TM7SF3: variants seen among roughly 807,000 people sequenced by gnomAD.
TM7SF3 encodes the protein transmembrane 7 superfamily member 3.
In TM7SF3, 60 loss-of-function variants were observed where a neutral mutation model predicts 65.5. That is an observed-to-expected ratio of 0.92 (90% confidence interval 0.74 to 1.14). The LOEUF (loss-of-function observed/expected upper bound fraction) is 1.14, where lower values mean the gene tolerates loss of function less well. Ranked by LOEUF, TM7SF3 falls within the 50% of genes most tolerant of loss-of-function variation. TM7SF3 has a pLI of 0.00. For missense variants in TM7SF3, 623 were observed against 684.8 expected, an observed-to-expected ratio of 0.91 and a Z score of 1.01; for synonymous variants, 264 against 259.6, an observed-to-expected ratio of 1.02 and a Z score of -0.16.
intron 6 of TM7SF3, among the ~76,000 whole-genome samples, chr12:26,985,892 C>G (rs1261280345): frequency 7.3e-6 from 1 of 136,982 alleles, no homozygotes; most frequent in Non-Finnish European, 1.5e-5. Context: ...TGGCTCACTG[C>G]CAGCTCCGCC....
intron 1 of TM7SF3, among the ~76,000 whole-genome samples, chr12:27,008,539 T>C (rs1489903801): frequency 6.6e-6 from 1 of 152,182 alleles, no homozygotes; most frequent in African/African-American, 2.4e-5. Context: ...ATTTCAGGTT[T>C]TTCCTTTATG....
In TM7SF3 at chr12:26,988,732, G is replaced by A. The variant is rs542452626; in HGVS notation, c.868+1718C>T. On this transcript the variant is annotated intron_variant, in intron 6 of 11. Transcript: ENST00000343028. ...TGTACGTATCTATACATACACAGTC[G>A]GCCCCTGAACAACACGGGTTTGAAC... 1.8e-4 allele frequency among the ~76,000 whole-genome samples: 26 copies of A among 144,714 alleles called. No individual in the cohort carries two copies. The Middle Eastern group carries it at 0.011, about 60-fold the overall frequency. 94.9% of individuals were successfully genotyped at this position (144,714 alleles called of 152,430 possible).
chr12:26,990,902 T>C (rs972352245), intron 5 of TM7SF3, among the ~76,000 whole-genome samples: 3 of 152,160 alleles, frequency 2.0e-5, no homozygotes, highest in Non-Finnish European at 2.9e-5. Context: ...GTTACGACCA[T>C]GAAAAAAGTT....
chr12:26,980,152 G>T (rs1939753619), intron 8 of TM7SF3: 2 of 598,778 alleles, frequency 3.3e-6, no homozygotes, highest in Admixed American at 6.2e-5. Context: ...AAACCTCACA[G>T]GGCCAGTGAC....
rs773923809 is a variant in TM7SF3, at chr12:26,976,943, TCTC to T, written c.1190-589_1190-587del. On this transcript the variant is annotated intron_variant, in intron 9 of 11. Coordinates refer to ENST00000343028, the MANE Select transcript of TM7SF3 (RefSeq NM_016551.3). ...CAACTATCTGCTCTTCCCAAACCCT[TCTC>T]CTGCTGCTGGACTCTAAAATGCTGC... Among the ~76,000 whole-genome samples the T allele has an allele frequency of 7.0e-4, 107 of 152,232 alleles. 1 individual carries two copies. In the Middle Eastern group the frequency reaches 0.031, roughly 44 times the overall value.
At chr12:26,974,328 T>C (rs1289393850) in intron 11 of TM7SF3, 101 bp from the exon 12 acceptor site, 2 of 1,294,114 alleles carry the variant, frequency 1.5e-6, no homozygotes, top group African/African-American at 1.5e-5. Flanking sequence ...TCCTTTCTAA[T>C]AGACTTTCTG....
intron 9 of TM7SF3, chr12:26,978,058 T>C (rs1179839993): frequency 4.4e-6 from 2 of 451,696 alleles, no homozygotes; most frequent in East Asian, 1.4e-4. Flanking sequence ...ATAGTGTCAC[T>C]GCAGTCCAGC....
intron 6 of TM7SF3, among the ~76,000 whole-genome samples, chr12:26,987,361 C>T (rs1316485209): frequency 6.6e-6 from 1 of 152,176 alleles, no homozygotes; most frequent in Non-Finnish European, 1.5e-5. Flanking sequence ...AGCGAATGGT[C>T]GCTCTCTCTC....
In TM7SF3 at chr12:27,003,295, T is replaced by A; in HGVS notation, c.187A>T (p.Thr63Ser). The A allele has an allele frequency of 3.7e-6, 6 of 1,613,324 alleles. No homozygotes were observed. Among genetic ancestry groups the A allele is most frequent in the Non-Finnish European group, 5.1e-6 (6 of 1,179,472 alleles). ...AILHDISSNV[T>S]FLIFQIHSQY... ...GAGTGTATTTGGAAAATAAGAAAAG[T>A]CACATTGCTTGAAATATCATGCAAA... The change falls in exon 2 of 12, where the codon ACT becomes TCT. Residue 63 changes from threonine (T) to serine (S), a missense_variant. Coordinates refer to ENST00000343028, the MANE Select transcript of TM7SF3 (RefSeq NM_016551.3).
intron 7 of TM7SF3, among the ~76,000 whole-genome samples, chr12:26,982,368 G>T (rs1186091698): frequency 6.6e-6 from 1 of 152,050 alleles, no homozygotes; most frequent in Non-Finnish European, 1.5e-5. Flanking sequence ...GTAGAGAAGG[G>T]ATCTCACTAT....
chr12:27,003,095 T>A, intron 2 of TM7SF3, 141 bp downstream of exon 2: 1 of 649,930 alleles, frequency 1.5e-6, no homozygotes, highest in Non-Finnish European at 2.5e-6. Context: ...CTTGAAAACA[T>A]CCTATCTTGA....
At chr12:27,006,060 A>C (rs1941019704) in intron 1 of TM7SF3, among the ~76,000 whole-genome samples, 1 of 151,666 alleles carries the variant, frequency 6.6e-6, no homozygotes, top group Non-Finnish European at 1.5e-5. Context: ...TCAGCCTCCC[A>C]AAGTGCTGGG....
rs914338993 is a variant in TM7SF3, at chr12:27,014,237, G to A, written c.-69C>T. The A allele has an allele frequency of 1.2e-5, 17 of 1,465,734 alleles. No homozygotes were observed. The highest frequency in any genetic ancestry group is 5.8e-5 in the African/African-American group (4 of 69,382). The allele number at this position is 1,465,734 out of a possible 1,614,324, so 90.8% of individuals were successfully genotyped here. On this transcript the variant is annotated 5_prime_UTR_variant, in exon 1 of 12. Transcript: ENST00000343028. ...GTGCGGGCGTGCGCGCCGGGGCCCC[G>A]CAGCCTCGCCCACGCTATCCCGGGG... is the stretch of plus-strand genomic sequence containing the variant.
intron 5 of TM7SF3, among the ~76,000 whole-genome samples, chr12:26,991,738 A>C (rs1041383334): frequency 7.9e-5 from 12 of 152,232 alleles, no homozygotes. Flanking sequence ...AGTTGAATGA[A>C]TAACACAATA....
chr12:26,989,964 T>C (rs573822268), intron 6 of TM7SF3, among the ~76,000 whole-genome samples: 3 of 152,256 alleles, frequency 2.0e-5, no homozygotes, highest in Admixed American at 1.3e-4. Flanking sequence ...TCACCTCACC[T>C]CTACTTCCTT....
chr12:27,014,239 A>C lies in TM7SF3; in HGVS notation c.-71T>G, dbSNP rs1941358380. 17 of 1,454,044 alleles carry C rather than the reference A, an allele frequency of 1.2e-5. No individual in the cohort carries two copies. The highest frequency in any genetic ancestry group is 1.5e-5 in the Non-Finnish European group (16 of 1,078,150). 90.1% of individuals were successfully genotyped at this position (1,454,044 alleles called of 1,614,324 possible). A position where few individuals can be genotyped will look rare whatever the true frequency, so the allele number is the denominator to read the frequency against. On this transcript the variant is annotated 5_prime_UTR_variant, in exon 1 of 12. Coordinates refer to ENST00000343028, the MANE Select transcript of TM7SF3 (RefSeq NM_016551.3). ...GCGGGCGTGCGCGCCGGGGCCCCGC[A>C]GCCTCGCCCACGCTATCCCGGGGCG...
In TM7SF3 at chr12:26,974,897, A is replaced by C. The variant is rs893788730; in HGVS notation, c.1450+599T>G. On this transcript the variant is annotated intron_variant, in intron 11 of 11. Transcript: ENST00000343028. ...CAACAATCACAATTGTGCTTATGCA[A>C]TATATCTTCAATTCTAGGACATGCT... is the stretch of plus-strand genomic sequence containing the variant. Among the ~76,000 whole-genome samples, 3 of 152,214 alleles carry C rather than the reference A, an allele frequency of 2.0e-5. No homozygotes were observed. The South Asian group carries it at 6.2e-4, about 32-fold the overall frequency.
chr12:26,999,609 T>C lies in TM7SF3; in HGVS notation c.314A>G (p.Gln105Arg). 6.2e-7 allele frequency: 1 copy of C among 1,614,150 alleles called. No individual in the cohort carries two copies. Among genetic ancestry groups the C allele is most frequent in the Non-Finnish European group, 8.5e-7 (1 of 1,179,998 alleles). ...SGLVFILRPEQSTCTWYLGTS... is the reference protein window; with the variant it reads ...SGLVFILRPERSTCTWYLGTS... The stretch of plus-strand genomic sequence containing the variant: ...CCCCAAGTACCAAGTGCATGTACTC[T>C]GCTCTGGTCTAAGGATGAAAACCAG... Residue 105 changes from glutamine to arginine, a missense_variant, in exon 3 of 12, where the codon CAG (glutamine) becomes CGG (arginine). Transcript: ENST00000343028.
intron 6 of TM7SF3, among the ~76,000 whole-genome samples, chr12:26,990,164 G>A (rs1191163658): frequency 2.6e-5 from 4 of 152,162 alleles, no homozygotes; most frequent in Non-Finnish European, 4.4e-5. Flanking sequence ...TTACTGGCAT[G>A]TGTTATCTCC....
Sources: gnomAD v4.1 joint callset for allele counts (sites outside exome capture counted in the v4.1 genomes callset) on GRCh38, gnomAD v4.1.1 for gene constraint, MANE v1.5 for transcripts, NCBI Gene and HGNC (gene_info 2026-07-23, HGNC 2026-07-21) for gene names.